Variants in ZNF469 observed in about 807,000 individuals in gnomAD.
The protein encoded by ZNF469 is zinc finger protein 469.
ZNF469 carries 1 observed loss-of-function variant against 1.0 expected under a neutral mutation model. That is an observed-to-expected ratio of 1.00 (90% confidence interval 0.35 to 4.73). The LOEUF (loss-of-function observed/expected upper bound fraction) is 4.73. Among genes scored for constraint, ZNF469 ranks in the 30% most tolerant of loss-of-function variants. ZNF469 has a pLI of 0.16. For synonymous variants in ZNF469, 2,703 were observed against 2,363.4 expected, an observed-to-expected ratio of 1.14 and a Z score of -4.17; for missense variants, 6,100 against 5,356.3, an observed-to-expected ratio of 1.14 and a Z score of -4.33.
chr16:88,242,696 C>T, the ZNF469 span, among the ~76,000 whole-genome samples: 9 of 152,390 alleles, frequency 5.9e-5, no homozygotes, highest in South Asian at 4.1e-4. Flanking sequence ...TAGGCAGCAG[C>T]GGGTTGAGGG....
the ZNF469 span, among the ~76,000 whole-genome samples, chr16:88,189,109 G>C: frequency 6.6e-6 from 1 of 152,154 alleles, no homozygotes; most frequent in Admixed American, 6.6e-5. The surrounding 1 kb of genome is among the most constrained non-coding windows in gnomAD (Gnocchi z 4.3). Flanking sequence ...TCTGTAGAGA[G>C]CCTCTGGAGC....
rs1567510318 is a variant in ZNF469, at chr16:88,429,649, C to T, written c.2179C>T (p.Leu727=). 4 of 1,542,620 alleles carry T rather than the reference C, an allele frequency of 2.6e-6. No individual in the cohort carries two copies. The highest frequency in any genetic ancestry group is 3.9e-5 in the Admixed American group (2 of 50,716). Residue 727 remains leucine, a synonymous_variant, in exon 3 of 3, where the codon CTG becomes TTG. Transcript: ENST00000565624. ...FSLSSASLDQ[L]DVLLTCRQCD... is the part of the protein sequence containing the mutation. ...CCTCAGCAGCGCCAGCCTGGACCAG[C>T]TGGACGTGCTGCTGACCTGCAGGCA...
At chr16:88,163,863 G>C in the ZNF469 span, among the ~76,000 whole-genome samples, 1 of 151,170 alleles carries the variant, frequency 6.6e-6, no homozygotes, top group Non-Finnish European at 1.5e-5. Context: ...TGGATGGATA[G>C]GTAGGTAAGT....
At chr16:88,376,439 C>A in the ZNF469 span, among the ~76,000 whole-genome samples, 1 of 152,170 alleles carries the variant, frequency 6.6e-6, no homozygotes, top group Non-Finnish European at 1.5e-5. Context: ...CCTCTCCTCG[C>A]CTGCCCCAGG....
At chr16:88,208,765 ATGCGCG>A in the ZNF469 span, among the ~76,000 whole-genome samples, 29,708 of 92,296 alleles carry the variant, frequency 0.32, 3,246 homozygotes, top group Admixed American at 0.38. Flanking sequence ...TCCATAGTAA[ATGCGCG>A]TGCGCGCGCA....
the ZNF469 span, among the ~76,000 whole-genome samples, chr16:88,301,540 C>T: frequency 6.6e-6 from 1 of 152,206 alleles, no homozygotes; most frequent in Admixed American, 6.5e-5. Flanking sequence ...GACGCTCACC[C>T]GAACAGCCTC....
At chr16:88,420,898 G>T (rs895593972) in intron 1 of ZNF469, among the ~76,000 whole-genome samples, 1 of 151,530 alleles carries the variant, frequency 6.6e-6, no homozygotes, top group African/African-American at 2.4e-5. Flanking sequence ...GGTGGGGCTG[G>T]CCCCAAAGCC....
chr16:88,120,672 G>T, the ZNF469 span, among the ~76,000 whole-genome samples: 9 of 152,234 alleles, frequency 5.9e-5, no homozygotes, highest in Non-Finnish European at 1.0e-4. Flanking sequence ...GCTCCCGGGC[G>T]GGCCTCACTG....
the ZNF469 span, among the ~76,000 whole-genome samples, chr16:88,201,410 C>T: frequency 6.6e-6 from 1 of 152,048 alleles, no homozygotes; most frequent in South Asian, 2.1e-4. The surrounding 1 kb of genome is among the most constrained non-coding windows in gnomAD (Gnocchi z 5.0). Flanking sequence ...CAAAAATTAG[C>T]CGGGCGTGGT....
In ZNF469 at chr16:88,437,951, G is replaced by C. The variant is rs935936614; in HGVS notation, c.10481G>C (p.Arg3494Pro). Reference protein sequence around the residue: ...PGPGEDRPPPRGSSPILSEGS... With the variant: ...PGPGEDRPPPPGSSPILSEGS... Reference sequence around the variant, plus strand: ...CCCGGCGAGGACAGGCCTCCTCCCCGGGGAAGCAGCCCCATCCTGAGTGAG... The same window carrying C: ...CCCGGCGAGGACAGGCCTCCTCCCCCGGGAAGCAGCCCCATCCTGAGTGAG... The change falls in exon 3 of 3, where the codon CGG (arginine) becomes CCG (proline). Residue 3494 changes from arginine to proline, a missense_variant. Physicochemically the swap from Arg to Pro is moderately radical, Grantham distance 103. Coordinates refer to ENST00000565624, the MANE Select transcript of ZNF469 (RefSeq NM_001367624.2). 5.2e-6 allele frequency: 8 copies of C among 1,542,930 alleles called. No individual in the cohort carries two copies. The highest frequency in any genetic ancestry group is 7.0e-6 in the Non-Finnish European group (8 of 1,144,158).
intron 1 of ZNF469, among the ~76,000 whole-genome samples, chr16:88,414,362 G>C (rs569066985): frequency 1.3e-5 from 2 of 152,370 alleles, no homozygotes; most frequent in East Asian, 1.9e-4. Flanking sequence ...GTGTGGGGTG[G>C]AGGCATCTGG....
the ZNF469 span, among the ~76,000 whole-genome samples, chr16:88,269,983 G>T: frequency 6.6e-6 from 1 of 152,052 alleles, no homozygotes; most frequent in Non-Finnish European, 1.5e-5. Context: ...CACCATCCAG[G>T]ATCTAGGTTC....
At chr16:88,290,646 G>A in the ZNF469 span, among the ~76,000 whole-genome samples, 1 of 152,140 alleles carries the variant, frequency 6.6e-6, no homozygotes, top group Non-Finnish European at 1.5e-5. Flanking sequence ...TACCGATATT[G>A]GGTCCCATCT....
chr16:88,395,397 GTAGA>G (rs966333732), intron 1 of ZNF469, among the ~76,000 whole-genome samples: 19 of 139,336 alleles, frequency 1.4e-4, no homozygotes, highest in South Asian at 4.3e-4. Flanking sequence ...GGGTAGGTAG[GTAGA>G]TAGAAAGATA....
At chr16:88,125,901 A>T in the ZNF469 span, among the ~76,000 whole-genome samples, 3 of 152,310 alleles carry the variant, frequency 2.0e-5, no homozygotes, top group Admixed American at 2.0e-4. Flanking sequence ...CTTTTTAAAA[A>T]GTTCCGGTTG....
the ZNF469 span, among the ~76,000 whole-genome samples, chr16:88,126,189 A>C: frequency 4.6e-3 from 344 of 74,860 alleles, 1 homozygote; most frequent in African/African-American, 0.023. Context: ...ACTCCATCCC[A>C]AAAAAAAAAA....
intron 1 of ZNF469, among the ~76,000 whole-genome samples, chr16:88,417,569 G>A (rs962660171): frequency 5.9e-5 from 9 of 152,164 alleles, no homozygotes; most frequent in African/African-American, 1.2e-4. Flanking sequence ...CTGGCGGGGC[G>A]GCCCCCAAAC....
chr16:88,173,829 T>A, the ZNF469 span, among the ~76,000 whole-genome samples: 1 of 151,820 alleles, frequency 6.6e-6, no homozygotes, highest in South Asian at 2.1e-4. Flanking sequence ...CAATAAAAAT[T>A]AAAAATTAAG....
chr16:88,419,513 A>T (rs1219947982), intron 1 of ZNF469, among the ~76,000 whole-genome samples: 1 of 152,038 alleles, frequency 6.6e-6, no homozygotes, highest in African/African-American at 2.4e-5. Context: ...GTCCCACCCC[A>T]TGGCACATAT....
Sources: allele counts gnomAD v4.1 joint callset (sites outside exome capture counted in the v4.1 genomes callset), GRCh38; gene constraint gnomAD v4.1.1; non-coding constraint Gnocchi (gnomAD v3.1); transcripts MANE v1.5; gene names NCBI Gene and HGNC (gene_info 2026-07-23, HGNC 2026-07-21).